The following ISM1 variants were observed in gnomAD, a reference collection of about 807,000 sequenced individuals.
The protein encoded by ISM1 is isthmin 1.
Under a neutral mutation model 46.3 loss-of-function variants are expected in ISM1, and 25 were observed. The ratio of observed to expected loss-of-function variants is 0.54; its 90% confidence interval spans 0.39 to 0.75. The LOEUF is 0.75. Ranked by LOEUF, ISM1 falls within the 30% of genes least tolerant of loss-of-function variation. The pLI is 0.00. For synonymous variants in ISM1, 255 were observed against 256.7 expected (o/e 0.99, Z 0.06); for missense variants, 536 against 625.4 (o/e 0.86, Z 1.52).
intron 2 of ISM1, 79 bp from the exon 3 acceptor site, chr20:13,279,555 C>G: frequency 7.1e-7 from 1 of 1,416,672 alleles, no homozygotes; most frequent in Non-Finnish European, 9.6e-7. Flanking sequence ...CCTCTGCCCT[C>G]TCAGACTTTC....
At chr20:13,240,250 C>T (rs2039703894) in intron 1 of ISM1, among the ~76,000 whole-genome samples, 1 of 152,264 alleles carries the variant, frequency 6.6e-6, no homozygotes, top group South Asian at 2.1e-4. Flanking sequence ...AGAAAACTGA[C>T]AATAATTGAT....
At chr20:13,228,502 A>G (rs2039553924) in intron 1 of ISM1, among the ~76,000 whole-genome samples, 1 of 152,308 alleles carries the variant, frequency 6.6e-6, no homozygotes, top group South Asian at 2.1e-4. Flanking sequence ...ATACCATCTC[A>G]TATTTCAGAT....
At chr20:13,263,030 T>C (rs1203621104) in intron 1 of ISM1, among the ~76,000 whole-genome samples, 1 of 152,182 alleles carries the variant, frequency 6.6e-6, no homozygotes, top group African/African-American at 2.4e-5. Flanking sequence ...ATGATGTACC[T>C]GTGTCACTGG....
chr20:13,256,752 G>C (rs2039934046), intron 1 of ISM1, among the ~76,000 whole-genome samples: 1 of 152,204 alleles, frequency 6.6e-6, no homozygotes, highest in Non-Finnish European at 1.5e-5. Flanking sequence ...GTATGAGCCA[G>C]GTGACTTTGG....
intron 1 of ISM1, among the ~76,000 whole-genome samples, chr20:13,262,076 G>A (rs2039995067): frequency 6.6e-6 from 1 of 152,172 alleles, no homozygotes; most frequent in Non-Finnish European, 1.5e-5. Flanking sequence ...TCTTCAAATT[G>A]GGTCCTGGAA....
At chr20:13,305,723 A>G in the ISM1 span, among the ~76,000 whole-genome samples, 1 of 152,228 alleles carries the variant, frequency 6.6e-6, no homozygotes. Context: ...TGAGAGTAGA[A>G]GGAGAGGGAC....
chr20:13,313,901 A>G, the ISM1 span, among the ~76,000 whole-genome samples: 1 of 152,244 alleles, frequency 6.6e-6, no homozygotes, highest in Non-Finnish European at 1.5e-5. Flanking sequence ...ATGCAAAAAT[A>G]AACTGGCAAT....
intron 5 of ISM1, among the ~76,000 whole-genome samples, chr20:13,294,200 C>T (rs1319772784): frequency 1.3e-5 from 2 of 152,054 alleles, no homozygotes; most frequent in Non-Finnish European, 2.9e-5. Flanking sequence ...TTTTTAAATG[C>T]TTGATAGAAA....
chr20:13,278,264 G>A (rs1027053856), intron 2 of ISM1, among the ~76,000 whole-genome samples: 3 of 152,168 alleles, frequency 2.0e-5, no homozygotes, highest in African/African-American at 7.2e-5. Flanking sequence ...ACTTCAAAAT[G>A]AGACTTTCAT....
At chr20:13,310,033 T>C in the ISM1 span, among the ~76,000 whole-genome samples, 7 of 152,110 alleles carry the variant, frequency 4.6e-5, no homozygotes, top group Non-Finnish European at 1.0e-4. Flanking sequence ...ATCTACAAAT[T>C]CGATGCAATC....
the ISM1 span, among the ~76,000 whole-genome samples, chr20:13,306,927 T>C: frequency 6.6e-6 from 1 of 152,106 alleles, no homozygotes; most frequent in East Asian, 1.9e-4. Flanking sequence ...CTGGGGATCC[T>C]AGAGAGTGGA....
At chr20:13,278,843 C>A (rs146351721) in intron 2 of ISM1, among the ~76,000 whole-genome samples, 2 of 152,180 alleles carry the variant, frequency 1.3e-5, no homozygotes, top group African/African-American at 2.4e-5. Flanking sequence ...CAGAGCTAGA[C>A]GTGGGCTGAG....
At chr20:13,284,392 G>A (rs891792124) in intron 3 of ISM1, among the ~76,000 whole-genome samples, 2 of 152,312 alleles carry the variant, frequency 1.3e-5, no homozygotes, top group Non-Finnish European at 2.9e-5. Flanking sequence ...TGAGTTATTT[G>A]ATGTCACAGC....
chr20:13,308,448 G>T, the ISM1 span, among the ~76,000 whole-genome samples: 1 of 152,100 alleles, frequency 6.6e-6, no homozygotes, highest in Non-Finnish European at 1.5e-5. Context: ...ACCGCTTATG[G>T]TGTTATGAAT....
chr20:13,322,601 T>A, the ISM1 span, among the ~76,000 whole-genome samples: 1 of 152,120 alleles, frequency 6.6e-6, no homozygotes, highest in Non-Finnish European at 1.5e-5. Flanking sequence ...CAGGATCCCT[T>A]TTCCTGCTCA....
Position 13,221,552 on chromosome 20 carries a change from TGCGGCGGCG to T in ISM1, c.-209_-201del, listed in dbSNP as rs911571992. Among the ~76,000 whole-genome samples, 14 of 141,586 alleles carry T rather than the reference TGCGGCGGCG, an allele frequency of 9.9e-5. No homozygotes were observed. Among genetic ancestry groups the T allele is most frequent in the East Asian group, 2.2e-4 (1 of 4,556 alleles). 92.9% of individuals were successfully genotyped at this position (141,586 alleles called of 152,430 possible). On this transcript the variant is annotated 5_prime_UTR_variant, in exon 1 of 6. Coordinates refer to ENST00000262487, the MANE Select transcript of ISM1 (RefSeq NM_080826.2). ...CGGCCTCGCGGTGGCTCCGCCGTGG[TGCGGCGGCG>T]GCGGCGGCGGCGGCGCCGGCAGCTC...
At chr20:13,312,975 G>A in the ISM1 span, among the ~76,000 whole-genome samples, 1 of 152,094 alleles carries the variant, frequency 6.6e-6, no homozygotes, top group East Asian at 1.9e-4. Flanking sequence ...TCTGGGTGGG[G>A]TGTGGAGGAA....
At chr20:13,325,997 C>T in the ISM1 span, among the ~76,000 whole-genome samples, 1 of 152,176 alleles carries the variant, frequency 6.6e-6, no homozygotes, top group African/African-American at 2.4e-5. Context: ...CTCCCAACTC[C>T]GGGTAACCAC....
chr20:13,281,882 A>G (rs2040242157), intron 3 of ISM1, among the ~76,000 whole-genome samples: 1 of 152,184 alleles, frequency 6.6e-6, no homozygotes, highest in Admixed American at 6.5e-5. Flanking sequence ...ATTCAGTTGC[A>G]TGTTTAAAAA....
Sources: gnomAD v4.1 joint callset for allele counts (sites outside exome capture counted in the v4.1 genomes callset) on GRCh38, gnomAD v4.1.1 for gene constraint, MANE v1.5 for transcripts, NCBI Gene and HGNC (gene_info 2026-07-23, HGNC 2026-07-21) for gene names.